Variants in ADAMTS3 observed in about 807,000 individuals in gnomAD.
ADAMTS3 encodes the protein A disintegrin and metalloproteinase with thrombospondin motifs 3.
ADAMTS3 carries 73 observed loss-of-function variants against 129.0 expected under a neutral mutation model. The ratio of observed to expected loss-of-function variants is 0.57; its 90% CI spans 0.47 to 0.69. ADAMTS3 has a LOEUF of 0.69. ADAMTS3 is among the 30% of genes least tolerant of loss of function. The probability of loss-of-function intolerance (pLI) is 0.00; values close to 1 mark genes in which losing one functional copy is unlikely to be tolerated. For missense variants in ADAMTS3, 1,457 were observed against 1,514.5 expected, an observed-to-expected ratio of 0.96 and a Z score of 0.63; for synonymous variants, 477 against 510.8, an observed-to-expected ratio of 0.93 and a Z score of 0.89.
At chr4:72,541,378 G>T (rs1198454438) in intron 3 of ADAMTS3, among the ~76,000 whole-genome samples, 1 of 152,188 alleles carries the variant, frequency 6.6e-6, no homozygotes, top group East Asian at 1.9e-4. Flanking sequence ...GATTTTACAG[G>T]CTCATAGGTG....
intron 3 of ADAMTS3, among the ~76,000 whole-genome samples, chr4:72,454,833 C>T (rs951646385): frequency 2.0e-5 from 3 of 151,588 alleles, no homozygotes; most frequent in African/African-American, 7.3e-5. Context: ...GTCTTCCAAT[C>T]CTTACTTTAA....
Position 72,304,043 on chromosome 4 carries a change from A to G in ADAMTS3, c.2298T>C (p.Asn766=), listed in dbSNP as rs1719023056. The change falls in exon 17 of 22, where the codon AAT becomes AAC. Residue 766 remains asparagine, a synonymous_variant. Transcript: ENST00000286657. ...KNQATGHYIL[N]GKGEEAKSRT... ...GCGACTTGGCTTCCTCCCCTTTGCC[A>G]TTTAAAATATAATGGCCTGTAGCCT... is the stretch of plus-strand genomic sequence containing the variant. 6.2e-7 allele frequency: 1 copy of G among 1,613,654 alleles called. No homozygotes were observed.
intron 3 of ADAMTS3, among the ~76,000 whole-genome samples, chr4:72,489,116 A>T (rs788920): frequency 0.99 from 151,039 of 152,096 alleles, 75,000 homozygotes; most frequent in Middle Eastern, 1. Context: ...GATTTCCTTC[A>T]TTTCTAAAGC....
chr4:72,529,220 A>C (rs73825567), intron 3 of ADAMTS3, among the ~76,000 whole-genome samples: 6,318 of 152,280 alleles, frequency 0.041, 155 homozygotes, highest in Non-Finnish European at 0.048. Flanking sequence ...CGAATACAGT[A>C]AACGAAGTAA....
chr4:72,326,428 T>C (rs1354933397), intron 5 of ADAMTS3, among the ~76,000 whole-genome samples: 2 of 152,200 alleles, frequency 1.3e-5, no homozygotes, highest in Middle Eastern at 3.4e-3. Context: ...GTGAAACACA[T>C]GGAGTATGAT....
intron 4 of ADAMTS3, among the ~76,000 whole-genome samples, chr4:72,353,944 C>A (rs1578608256): frequency 6.6e-6 from 1 of 151,974 alleles, no homozygotes; most frequent in Non-Finnish European, 1.5e-5. Flanking sequence ...CTCCTACATC[C>A]CTCAGGAACT....
At chr4:72,302,113 TA>T (rs1397913965) in intron 17 of ADAMTS3, among the ~76,000 whole-genome samples, 1 of 151,894 alleles carries the variant, frequency 6.6e-6, no homozygotes, top group African/African-American at 2.4e-5. Context: ...GATCTGACAA[TA>T]ACTTAACCGC....
intron 3 of ADAMTS3, among the ~76,000 whole-genome samples, chr4:72,503,383 A>G (rs943887676): frequency 1.3e-5 from 2 of 152,184 alleles, no homozygotes; most frequent in African/African-American, 4.8e-5. Context: ...TTCAAAAGCA[A>G]GTTGTTTAAT....
rs998342828 is a variant in ADAMTS3, at chr4:72,558,127, T to C, written c.98-9243A>G. Among the ~76,000 whole-genome samples, 13 of 151,834 alleles carry C rather than the reference T, an allele frequency of 8.6e-5. 1 individual carries two copies. Among genetic ancestry groups the C allele is most frequent in the African/African-American group, 2.9e-4 (12 of 41,122 alleles). On this transcript the variant is annotated intron_variant, in intron 2 of 21. Coordinates refer to ENST00000286657, the MANE Select transcript of ADAMTS3 (RefSeq NM_014243.3). ...TGGGGAAAATAAAATAAACAAGAAA[T>C]GTGGACAGCACTGTTAAAGGTTTTC... is the stretch of plus-strand genomic sequence containing the variant.
intron 3 of ADAMTS3, among the ~76,000 whole-genome samples, chr4:72,502,666 T>A (rs567214120): frequency 6.6e-6 from 1 of 152,278 alleles, no homozygotes; most frequent in Admixed American, 6.5e-5. Context: ...TGTTCTTATT[T>A]TTCTAGTTCC....
In ADAMTS3 at chr4:72,455,010, C is replaced by T. The variant is rs183404846; in HGVS notation, c.505-40039G>A. Among the ~76,000 whole-genome samples the T allele has an allele frequency of 7.3e-3, 1,102 of 151,726 alleles. 13 individuals carry two copies. Among genetic ancestry groups the T allele is most frequent in the South Asian group, 0.011 (54 of 4,816 alleles). On this transcript the variant is annotated intron_variant, in intron 3 of 21. Transcript: ENST00000286657. ...GTATGAGACTGAATTCATCAGAATT[C>T]CTGTTTGTAAGGAACAAACCAACAG... is the stretch of plus-strand genomic sequence containing the variant.
At chr4:72,462,489 T>A (rs1718798002) in intron 3 of ADAMTS3, among the ~76,000 whole-genome samples, 2 of 151,926 alleles carry the variant, frequency 1.3e-5, no homozygotes, top group Non-Finnish European at 2.9e-5. Context: ...AAGTGTACGG[T>A]CACACACCAC....
intron 3 of ADAMTS3, among the ~76,000 whole-genome samples, chr4:72,544,704 ATTTC>A (rs1039906097): frequency 1.3e-5 from 2 of 152,200 alleles, no homozygotes; most frequent in African/African-American, 2.4e-5. Context: ...TTCTTAAAGC[ATTTC>A]TTTATTATCT....
chr4:72,306,043 G>T lies in ADAMTS3; in HGVS notation c.2204C>A (p.Pro735His). ...GATTAACACATGTCTAGCCCCAGGGGGTATATCAAACATCTTAAGGTACCC... is the reference window on the plus strand; with the variant it reads ...GATTAACACATGTCTAGCCCCAGGGTGTATATCAAACATCTTAAGGTACCC... ...KLGYLKMFDI[P>H]PGARHVLIQE... The change falls in exon 16 of 22, where the codon CCC becomes CAC. Residue 735 changes from proline (P) to histidine (H), a missense_variant. Physicochemically the swap from Pro to His is moderately conservative, Grantham distance 77. Coordinates refer to ENST00000286657, the MANE Select transcript of ADAMTS3 (RefSeq NM_014243.3). The T allele has an allele frequency of 6.2e-7, 1 of 1,607,058 alleles. No individual in the cohort carries two copies. The highest frequency in any genetic ancestry group is 8.5e-7 in the Non-Finnish European group (1 of 1,177,106).
chr4:72,357,936 A>G (rs1254220656), intron 4 of ADAMTS3, among the ~76,000 whole-genome samples: 1 of 152,000 alleles, frequency 6.6e-6, no homozygotes, highest in Non-Finnish European at 1.5e-5. Context: ...AAAATTCCAG[A>G]AAGACATTAT....
chr4:72,366,490 G>C (rs1403730548), intron 4 of ADAMTS3, among the ~76,000 whole-genome samples: 3 of 152,182 alleles, frequency 2.0e-5, no homozygotes, highest in Admixed American at 2.0e-4. Flanking sequence ...GGTGATGAAT[G>C]GAGATGTGAT....
intron 4 of ADAMTS3, among the ~76,000 whole-genome samples, chr4:72,354,705 A>G (rs1678693433): frequency 6.6e-6 from 1 of 152,038 alleles, no homozygotes; most frequent in Non-Finnish European, 1.5e-5. Flanking sequence ...TTATCTCAAC[A>G]TAATATATCC....
At chr4:72,536,871 C>A (rs1050475341) in intron 3 of ADAMTS3, among the ~76,000 whole-genome samples, 40 of 152,138 alleles carry the variant, frequency 2.6e-4, no homozygotes, top group Non-Finnish European at 2.9e-5. Context: ...TTCATTCATG[C>A]TTATTGATTA....
chr4:72,285,427 T>A (rs1382845783), intron 21 of ADAMTS3, among the ~76,000 whole-genome samples: 3 of 152,182 alleles, frequency 2.0e-5, no homozygotes, highest in Non-Finnish European at 4.4e-5. Context: ...CTTCTTTCTG[T>A]ATGTGTCAGG....
Sources: gnomAD v4.1 joint callset for allele counts (sites outside exome capture counted in the v4.1 genomes callset) on GRCh38, gnomAD v4.1.1 for gene constraint, MANE v1.5 for transcripts, NCBI Gene and HGNC (gene_info 2026-07-23, HGNC 2026-07-21) for gene names.